The following PRDX2 variants were observed in gnomAD, a reference collection of about 807,000 sequenced individuals.
The protein encoded by PRDX2 is peroxiredoxin 2, also known as peroxiredoxin-2.
PRDX2 carries 10 observed loss-of-function variants against 19.8 expected under a neutral mutation model. The observed-to-expected ratio is 0.50, with a 90% CI of 0.31 to 0.86. The LOEUF (loss-of-function observed/expected upper bound fraction) is 0.86. Among genes scored for constraint, PRDX2 ranks in the 40% least tolerant of loss-of-function variants. PRDX2 has a pLI of 0.04. For synonymous variants in PRDX2, 118 were observed against 108.2 expected, an observed-to-expected ratio of 1.09 and a Z score of -0.56; for missense variants, 226 against 260.1, an observed-to-expected ratio of 0.87 and a Z score of 0.90.
intron 5 of PRDX2, among the ~76,000 whole-genome samples, chr19:12,797,735 G>T (rs1599526074): frequency 7.5e-6 from 1 of 133,664 alleles, no homozygotes; most frequent in Non-Finnish European, 1.5e-5. Flanking sequence ...TCGGCTCATT[G>T]CAACCTCTGC....
chr19:12,796,970 G>A lies in PRDX2; in HGVS notation c.*111C>T. On this transcript the variant is annotated 3_prime_UTR_variant, in exon 6 of 6. Coordinates refer to ENST00000301522, the MANE Select transcript of PRDX2 (RefSeq NM_005809.6). ...GGGTCCCATACTGTGGAGTTTGGAGGGGCAGGTCTGGCCTTTCCTGGGTCA... is the reference window on the plus strand; with the variant it reads ...GGGTCCCATACTGTGGAGTTTGGAGAGGCAGGTCTGGCCTTTCCTGGGTCA... The A allele has an allele frequency of 9.6e-7, 1 of 1,036,862 alleles. No individual in the cohort carries two copies. The highest frequency in any genetic ancestry group is 1.4e-6 in the Non-Finnish European group (1 of 691,772). The allele number at this position is 1,036,862 out of a possible 1,614,324, so 64.2% of individuals were successfully genotyped here.
chr19:12,798,556 G>A (rs559427357), intron 5 of PRDX2, among the ~76,000 whole-genome samples: 5 of 151,492 alleles, frequency 3.3e-5, no homozygotes, highest in African/African-American at 7.3e-5. Context: ...TCTCCATGTC[G>A]GTCAAGCTTG....
intron 5 of PRDX2, chr19:12,799,585 C>G: frequency 3.4e-6 from 1 of 290,664 alleles, no homozygotes; most frequent in Non-Finnish European, 6.7e-6. Context: ...GTCTCGAACT[C>G]CTGACCTCAG....
Position 12,796,975 on chromosome 19 carries a change from G to T in PRDX2, c.*106C>A. On this transcript the variant is annotated 3_prime_UTR_variant, in exon 6 of 6. Coordinates refer to ENST00000301522, the MANE Select transcript of PRDX2 (RefSeq NM_005809.6). Reference sequence around the variant, plus strand: ...CCATACTGTGGAGTTTGGAGGGGCAGGTCTGGCCTTTCCTGGGTCAGCATA... The same window carrying T: ...CCATACTGTGGAGTTTGGAGGGGCATGTCTGGCCTTTCCTGGGTCAGCATA... The T allele has an allele frequency of 8.9e-7, 1 of 1,120,370 alleles. No individual in the cohort carries two copies. The highest frequency in any genetic ancestry group is 1.3e-6 in the Non-Finnish European group (1 of 762,300). 69.4% of individuals were successfully genotyped at this position (1,120,370 alleles called of 1,614,324 possible). A position where few individuals can be genotyped will look rare whatever the true frequency, so the allele number is the denominator to read the frequency against.
rs763099486 is a variant in PRDX2, at chr19:12,801,013, C to T, written c.160G>A (p.Glu54Lys). The part of the protein sequence containing the change: ...PLDFTFVCPT[E>K]IIAFSNRAED... ...GCACGGTTGCTGAACGCGATGATCT[C>T]GGTGGGGCACACAAAAGTGAAGTCC... Residue 54 changes from glutamate to lysine, a missense_variant, in exon 3 of 6, where the codon GAG (glutamate) becomes AAG (lysine). Coordinates refer to ENST00000301522, the MANE Select transcript of PRDX2 (RefSeq NM_005809.6). The T allele has an allele frequency of 1.1e-5, 17 of 1,612,266 alleles. No individual in the cohort carries two copies. The South Asian group carries it at 1.9e-4, about 18-fold the overall frequency.
In PRDX2 at chr19:12,800,992, G is replaced by C. The variant is rs867640788; in HGVS notation, c.181C>G (p.Arg61Gly). The C allele has an allele frequency of 2.5e-6, 4 of 1,612,338 alleles. No individual in the cohort carries two copies. Among genetic ancestry groups the C allele is most frequent in the Admixed American group, 3.3e-5 (2 of 59,906 alleles). The change falls in exon 3 of 6, where the codon CGT becomes GGT. Residue 61 changes from arginine to glycine, a missense_variant. Physicochemically the swap from Arg to Gly is moderately radical, Grantham distance 125. Coordinates refer to ENST00000301522, the MANE Select transcript of PRDX2 (RefSeq NM_005809.6). ...CPTEIIAFSN[R>G]AEDFRKLGCE... The stretch of plus-strand genomic sequence containing the variant: ...CCCAGCTTGCGGAAGTCCTCTGCAC[G>C]GTTGCTGAACGCGATGATCTCGGTG...
At position 12,800,999 on chromosome 19, in the gene PRDX2, G is replaced by A; in HGVS notation, c.174C>T (p.Phe58=). ...TFVCPTEIIA[F]SNRAEDFRKL... is the part of the protein sequence containing the mutation. ...TGCGGAAGTCCTCTGCACGGTTGCT[G>A]AACGCGATGATCTCGGTGGGGCACA... The change falls in exon 3 of 6, where the codon TTC becomes TTT. Residue 58 remains phenylalanine, a synonymous_variant. Transcript: ENST00000301522. The A allele has an allele frequency of 6.2e-7, 1 of 1,612,566 alleles. No homozygotes were observed. Among genetic ancestry groups the A allele is most frequent in the Non-Finnish European group, 8.5e-7 (1 of 1,179,752 alleles).
chr19:12,800,214 A>G lies in PRDX2; in HGVS notation c.343T>C (p.Tyr115His). 6.2e-7 allele frequency: 1 copy of G among 1,613,928 alleles called. No individual in the cohort carries two copies. Among genetic ancestry groups the G allele is most frequent in the Admixed American group, 1.7e-5 (1 of 59,988 alleles). ...CCCTCATCTGTTTTCAGCACGCCGT[A>G]ATCCTCAGACAAGCGTCTGGTCACG... The part of the protein sequence containing the change: ...ADVTRRLSED[Y>H]GVLKTDEGIA... Residue 115 changes from tyrosine to histidine, a missense_variant, in exon 4 of 6, where the codon TAC (tyrosine) becomes CAC (histidine). Transcript: ENST00000301522.
At position 12,800,228 on chromosome 19, in the gene PRDX2, C is replaced by T. The variant is rs577193014; in HGVS notation, c.329G>A (p.Arg110His). 20 of 1,613,880 alleles carry T rather than the reference C, an allele frequency of 1.2e-5. No homozygotes were observed. The highest frequency in any genetic ancestry group is 9.9e-5 in the South Asian group (9 of 91,078). Residue 110 changes from arginine (R) to histidine (H), a missense_variant, in exon 4 of 6, where the codon CGC becomes CAC. Physicochemically the swap from Arg to His is conservative, Grantham distance 29. Transcript: ENST00000301522. The stretch of plus-strand genomic sequence containing the variant: ...CAGCACGCCGTAATCCTCAGACAAG[C>T]GTCTGGTCACGTCAGCAAGCAGGGG... ...NIPLLADVTR[R>H]LSEDYGVLKT...
intron 3 of PRDX2, 76 bp downstream of exon 3, chr19:12,800,840 T>C (rs1822383388): frequency 6.4e-7 from 1 of 1,555,064 alleles, no homozygotes; most frequent in Non-Finnish European, 8.7e-7. Context: ...GGTTGAGCAA[T>C]GGCCACGAAG....
Position 12,796,931 on chromosome 19 carries a change from G to T in PRDX2, c.*150C>A. The stretch of plus-strand genomic sequence containing the variant: ...CTAGGTGGAGGCATGAGAAGGCCTT[G>T]GCCTAGCCCTCCAGGGTCCCATACT... On this transcript the variant is annotated 3_prime_UTR_variant, in exon 6 of 6. Transcript: ENST00000301522. The T allele has an allele frequency of 1.4e-6, 1 of 709,594 alleles. No homozygotes were observed. The allele number at this position is 709,594 out of a possible 1,614,324, so 44.0% of individuals were successfully genotyped here.
chr19:12,801,707 T>C, intron 1 of PRDX2, 33 bp downstream of exon 1: 1 of 292,596 alleles, frequency 3.4e-6, no homozygotes, highest in Non-Finnish European at 6.4e-6. Context: ...CTGAAGGGGG[T>C]CCTCCCGCCA....
At chr19:12,798,346 C>CT (rs879842677) in intron 5 of PRDX2, among the ~76,000 whole-genome samples, 104 of 138,022 alleles carry the variant, frequency 7.5e-4, no homozygotes, top group Middle Eastern at 4.5e-3. Context: ...TGCCCGGCCT[C>CT]TTTTTTTTTT....
rs1293508443 is a variant in PRDX2, at chr19:12,801,181, C to T, written c.81G>A (p.Glu27=). 1.2e-6 allele frequency: 2 copies of T among 1,614,034 alleles called. No homozygotes were observed. Among genetic ancestry groups the T allele is most frequent in the Admixed American group, 1.7e-5 (1 of 60,014 alleles). Residue 27 remains glutamate (E), a synonymous_variant, in exon 2 of 6, where the codon GAG becomes GAA. Transcript: ENST00000301522. ...ATAVVDGAFK[E]VKLSDYKGKY... The stretch of plus-strand genomic sequence containing the variant: ...CACCTTTGTAGTCCGACAGCTTCAC[C>T]TCTTTGAAGGCGCCATCAACCACCG...
intron 5 of PRDX2, among the ~76,000 whole-genome samples, chr19:12,797,412 C>T (rs1035457422): frequency 1.3e-5 from 2 of 151,786 alleles, no homozygotes; most frequent in African/African-American, 4.8e-5. Flanking sequence ...CAACCTCTCC[C>T]TCCTGGGTTC....
At chr19:12,797,929 G>C (rs1968821688) in intron 5 of PRDX2, among the ~76,000 whole-genome samples, 1 of 151,972 alleles carries the variant, frequency 6.6e-6, no homozygotes, top group African/African-American at 2.4e-5. Flanking sequence ...CAAAATGCTA[G>C]GATTACAGGC....
chr19:12,800,026 C>G (rs1011409519), intron 4 of PRDX2, 37 bp from the exon 5 acceptor site: 2 of 1,609,506 alleles, frequency 1.2e-6, no homozygotes, highest in Non-Finnish European at 1.7e-6. Flanking sequence ...GAGCTGATAG[C>G]TCCCACTGCC....
chr19:12,799,948 A>G lies in PRDX2; in HGVS notation c.422T>C (p.Ile141Thr). ...TCCCACAGGCAAATCATTAACAGTG[A>G]TCTGGCGAAGGACACCCTTGCCATC... ...IIDGKGVLRQ[I>T]TVNDLPVGRS... is the part of the protein sequence containing the mutation. The change falls in exon 5 of 6, where the codon ATC becomes ACC. Residue 141 changes from isoleucine (I) to threonine (T), a missense_variant. Transcript: ENST00000301522. 6.2e-7 allele frequency: 1 copy of G among 1,614,076 alleles called. No homozygotes were observed. Among genetic ancestry groups the G allele is most frequent in the Middle Eastern group, 1.7e-4 (1 of 6,052 alleles).
At position 12,799,987 on chromosome 19, in the gene PRDX2, C is replaced by T; in HGVS notation, c.383G>A (p.Gly128Asp). The T allele has an allele frequency of 6.2e-7, 1 of 1,613,668 alleles. No homozygotes were observed. The highest frequency in any genetic ancestry group is 1.3e-5 in the African/African-American group (1 of 75,000). The change falls in exon 5 of 6, where the codon GGC becomes GAC. Residue 128 changes from glycine (G) to aspartate (D), a missense_variant and splice_region_variant. Gly to Asp is a moderately conservative substitution (Grantham distance 94, BLOSUM62 -1). Transcript: ENST00000301522. ...LKTDEGIAYR[G>D]LFIIDGKGVL... ...ACCCTTGCCATCGATGATAAAGAGG[C>T]CCCTGAAGACATCAGGGTTCCCAGT... is the stretch of plus-strand genomic sequence containing the variant.
Sources: allele counts gnomAD v4.1 joint callset (sites outside exome capture counted in the v4.1 genomes callset), GRCh38; gene constraint gnomAD v4.1.1; transcripts MANE v1.5; gene names NCBI Gene and HGNC (gene_info 2026-07-23, HGNC 2026-07-21).